The following NAA60 variants were observed in gnomAD, a reference collection of about 807,000 sequenced individuals.
NAA60 encodes N-alpha-acetyltransferase 60.
A neutral mutation model predicts 26.1 loss-of-function variants in NAA60; 8 were observed. That is an observed-to-expected ratio of 0.31 (90% CI 0.18 to 0.55). The LOEUF is 0.55. Among genes scored for constraint, NAA60 ranks in the 20% least tolerant of loss-of-function variants. The probability of loss-of-function intolerance (pLI) is 0.93; values close to 1 mark genes in which losing one functional copy is unlikely to be tolerated. For synonymous variants in NAA60, 131 were observed against 122.5 expected (o/e 1.07, Z -0.46); for missense variants, 290 against 311.3 (o/e 0.93, Z 0.51).
chr16:3,474,527 G>A (rs1181447935), intron 2 of NAA60, among the ~76,000 whole-genome samples: 4 of 152,276 alleles, frequency 2.6e-5, no homozygotes, highest in Non-Finnish European at 4.4e-5. Context: ...GGAAAGGGAA[G>A]GTTGTGCAGA....
At chr16:3,443,928 G>A in intron 1 of NAA60, 91 bp downstream of exon 1, 1 of 1,444,794 alleles carries the variant, frequency 6.9e-7, no homozygotes, top group Non-Finnish European at 9.1e-7. Context: ...GCCTAGCCTG[G>A]GCTTGAGCTG....
At chr16:3,443,925 CTGGGCTTGA>C in intron 1 of NAA60, 88 bp downstream of exon 1, 1 of 1,456,850 alleles carries the variant, frequency 6.9e-7, no homozygotes, top group Non-Finnish European at 9.0e-7. Context: ...CGGGCCTAGC[CTGGGCTTGA>C]GCTGTCCTTT....
intron 3 of NAA60, among the ~76,000 whole-genome samples, chr16:3,478,603 T>C (rs2036629021): frequency 6.6e-6 from 1 of 151,878 alleles, no homozygotes; most frequent in South Asian, 2.1e-4. Context: ...ATGCCCACTG[T>C]TTTTTTTGCC....
At chr16:3,476,813 G>C (rs1470090390) in intron 3 of NAA60, among the ~76,000 whole-genome samples, 1 of 152,140 alleles carries the variant, frequency 6.6e-6, no homozygotes, top group Non-Finnish European at 1.5e-5. Flanking sequence ...AGGCCAAGGA[G>C]GGCAGATCAC....
chr16:3,477,672 C>G (rs1402158709), intron 3 of NAA60, among the ~76,000 whole-genome samples: 1 of 150,702 alleles, frequency 6.6e-6, no homozygotes, highest in African/African-American at 2.4e-5. Context: ...CGCAGTGGCT[C>G]ACGCCTGTAA....
intron 2 of NAA60, chr16:3,457,949 G>T (rs192228): frequency 0.18 from 178,920 of 981,654 alleles, 17,348 homozygotes; most frequent in Non-Finnish European, 0.2. Context: ...CGGCAGCGCC[G>T]GCCTCAGGGG....
intron 6 of NAA60, 139 bp downstream of exon 6, chr16:3,483,736 A>G: frequency 1.5e-6 from 1 of 681,894 alleles, no homozygotes; most frequent in South Asian, 1.7e-5. Context: ...CCCTTACCTG[A>G]TCGTGTTGTG....
chr16:3,483,706 A>G, intron 6 of NAA60, 109 bp downstream of exon 6: 1 of 807,952 alleles, frequency 1.2e-6, no homozygotes, highest in Non-Finnish European at 2.1e-6. Flanking sequence ...TCAGGTGGCC[A>G]AGCTTATGGA....
intron 3 of NAA60, among the ~76,000 whole-genome samples, chr16:3,477,125 T>C (rs542362502): frequency 6.6e-6 from 1 of 152,234 alleles, no homozygotes; most frequent in African/African-American, 2.4e-5. Flanking sequence ...TTTGAAAACA[T>C]GTACAAGATA....
chr16:3,475,315 C>G (rs2036410229), intron 2 of NAA60, among the ~76,000 whole-genome samples: 1 of 152,260 alleles, frequency 6.6e-6, no homozygotes, highest in Admixed American at 6.5e-5. Flanking sequence ...GTCCTGAACT[C>G]CTGACCTCAG....
intron 2 of NAA60, among the ~76,000 whole-genome samples, chr16:3,454,104 TG>T (rs1355421741): frequency 6.6e-6 from 1 of 152,198 alleles, no homozygotes; most frequent in East Asian, 1.9e-4. Flanking sequence ...TGGAGATTCA[TG>T]GGACTTAAGA....
chr16:3,447,508 C>G, intron 1 of NAA60: 1 of 985,158 alleles, frequency 1.0e-6, no homozygotes, highest in Non-Finnish European at 1.2e-6. Context: ...AGGTCTATTA[C>G]TTAAACATAA....
chr16:3,458,094 T>TC, intron 2 of NAA60: 1 of 985,248 alleles, frequency 1.0e-6, no homozygotes, highest in Non-Finnish European at 1.2e-6. Context: ...CGTTGCGGGC[T>TC]CCGCGCGGTC....
rs554735834 is a variant in NAA60 at position 3,463,230 on chromosome 16, C to A, written c.-6-12992C>A. Among the ~76,000 whole-genome samples the A allele has an allele frequency of 2.0e-5, 3 of 152,038 alleles. No individual in the cohort carries two copies. In the South Asian group the frequency reaches 6.2e-4, roughly 32 times the overall value. Reference sequence around the variant, plus strand: ...CCAAGCTGTTGCTAACTAAAAGCAGCCTGTGAGGTTATTTTAATATAAAAA... The same window carrying A: ...CCAAGCTGTTGCTAACTAAAAGCAGACTGTGAGGTTATTTTAATATAAAAA... On this transcript the variant is annotated intron_variant, in intron 2 of 7. Coordinates refer to ENST00000407558, the MANE Select transcript of NAA60 (RefSeq NM_001083601.3).
intron 2 of NAA60, among the ~76,000 whole-genome samples, chr16:3,455,358 A>G (rs1596293962): frequency 6.8e-6 from 1 of 146,446 alleles, no homozygotes; most frequent in Non-Finnish European, 1.5e-5. Flanking sequence ...GGCATGAGCC[A>G]CCGGGCATAG....
chr16:3,469,074 A>G (rs2150985788), intron 2 of NAA60, among the ~76,000 whole-genome samples: 1 of 148,530 alleles, frequency 6.7e-6, no homozygotes, highest in Non-Finnish European at 1.5e-5. Flanking sequence ...CAACAGAGCC[A>G]GACAACATCT....
intron 2 of NAA60, among the ~76,000 whole-genome samples, chr16:3,473,760 AG>A (rs1317379834): frequency 4.0e-5 from 6 of 151,096 alleles, no homozygotes; most frequent in African/African-American, 1.2e-4. Context: ...TTTGAGATGG[AG>A]TCTTGCACTG....
At chr16:3,450,122 G>C (rs58448098) in intron 2 of NAA60, 1 of 383,314 alleles carries the variant, frequency 2.6e-6, no homozygotes, top group Non-Finnish European at 4.6e-6. Flanking sequence ...TGACTGAAAG[G>C]GTTTTGATCC....
intron 2 of NAA60, among the ~76,000 whole-genome samples, chr16:3,464,759 C>T (rs540052719): frequency 6.6e-6 from 1 of 152,196 alleles, no homozygotes; most frequent in Admixed American, 6.5e-5. Flanking sequence ...CAGGTTGACC[C>T]ATTCACTCAA....
Sources: gnomAD v4.1 joint callset for allele counts (sites outside exome capture counted in the v4.1 genomes callset) on GRCh38, gnomAD v4.1.1 for gene constraint, MANE v1.5 for transcripts, NCBI Gene and HGNC (gene_info 2026-07-23, HGNC 2026-07-21) for gene names.